MYOM1: variants seen among roughly 807,000 people sequenced by gnomAD.
The protein encoded by MYOM1 is myomesin 1.
In MYOM1, 164 loss-of-function variants were observed where a neutral mutation model predicts 205.3. The ratio of observed to expected loss-of-function variants is 0.80; its 90% CI spans 0.70 to 0.91. The LOEUF (loss-of-function observed/expected upper bound fraction) is 0.91. Among genes scored for constraint, MYOM1 ranks in the 40% least tolerant of loss-of-function variants. The probability of loss-of-function intolerance (pLI) is 0.00; values close to 1 mark genes in which losing one functional copy is unlikely to be tolerated. For missense variants in MYOM1, 2,011 were observed against 2,127.3 expected (o/e 0.95, Z 1.08); for synonymous variants, 772 against 789.4 (o/e 0.98, Z 0.37).
chr18:3,077,262 C>G (rs922352626), intron 34 of MYOM1, among the ~76,000 whole-genome samples: 6 of 151,948 alleles, frequency 3.9e-5, no homozygotes, highest in African/African-American at 1.5e-4. Context: ...CAATCGATCC[C>G]CCTGCCTCAG....
the MYOM1 span, among the ~76,000 whole-genome samples, chr18:3,225,888 G>A: frequency 1.3e-5 from 2 of 152,172 alleles, no homozygotes; most frequent in African/African-American, 4.8e-5. Flanking sequence ...TTGCTTTCCT[G>A]TGGTCTGTCA....
rs763218658 is a variant in MYOM1, at chr18:3,187,857, C to CTT, written c.772-222_772-221dup. ...TAAGCAACATCTTTGATTTCTTTTT[C>CTT]TTTTTTTTTTTTTTTTTTTTGGCCC... On this transcript the variant is annotated intron_variant, in intron 4 of 37. Transcript: ENST00000356443. 8.8e-4 allele frequency among the ~76,000 whole-genome samples: 109 copies of CTT among 124,206 alleles called. No homozygotes were observed. In the South Asian group the frequency reaches 0.018, roughly 21 times the overall value. The allele number at this position is 124,206 out of a possible 152,430, so 81.5% of individuals were successfully genotyped here. A position where few individuals can be genotyped will look rare whatever the true frequency, so the allele number is the denominator to read the frequency against.
rs1054825292 is a variant in MYOM1, at chr18:3,083,287, G to C, written c.4484+502C>G. ...AGAATGCCTTGGATGTTTATCTCCT[G>C]GGCTCACCAATGTCAGACTTGAGAA... On this transcript the variant is annotated intron_variant, in intron 33 of 37. Coordinates refer to ENST00000356443, the MANE Select transcript of MYOM1 (RefSeq NM_003803.4). 1.8e-4 allele frequency among the ~76,000 whole-genome samples: 27 copies of C among 152,150 alleles called. No individual in the cohort carries two copies. The East Asian group carries it at 4.4e-3, about 25-fold the overall frequency.
chr18:3,183,955 G>C (rs1271582531), intron 5 of MYOM1, among the ~76,000 whole-genome samples: 3 of 151,552 alleles, frequency 2.0e-5, no homozygotes, highest in African/African-American at 7.3e-5. Context: ...GCTCAGGCTG[G>C]AGTGCAGTAG....
intron 19 of MYOM1, among the ~76,000 whole-genome samples, chr18:3,126,264 CAAAAA>C (rs575517054): frequency 1.5e-5 from 1 of 65,086 alleles, no homozygotes; most frequent in Admixed American, 1.7e-4. Context: ...GACTTCATCT[CAAAAA>C]AAAAAAAAAA....
intron 18 of MYOM1, among the ~76,000 whole-genome samples, chr18:3,127,299 A>ATT (rs1567920743): frequency 1.5e-3 from 73 of 49,864 alleles, no homozygotes; most frequent in African/African-American, 6.6e-3. Flanking sequence ...ATATATATAT[A>ATT]TATATATTTT....
At chr18:3,178,799 A>T (rs1657383290) in intron 5 of MYOM1, among the ~76,000 whole-genome samples, 1 of 152,016 alleles carries the variant, frequency 6.6e-6, no homozygotes, top group Admixed American at 6.6e-5. Flanking sequence ...ATTTATCAAA[A>T]TTATGGTTGG....
At chr18:3,235,881 G>C in the MYOM1 span, among the ~76,000 whole-genome samples, 3 of 152,252 alleles carry the variant, frequency 2.0e-5, no homozygotes, top group Non-Finnish European at 4.4e-5. Flanking sequence ...ATGCGAAAGA[G>C]TTGAGGGCAT....
At chr18:3,233,396 T>C in the MYOM1 span, among the ~76,000 whole-genome samples, 3 of 152,340 alleles carry the variant, frequency 2.0e-5, no homozygotes, top group Admixed American at 6.5e-5. Flanking sequence ...CTGCAAGGTA[T>C]TGAGAGTACA....
At position 3,122,184 on chromosome 18, in the gene MYOM1, T is replaced by G. The variant is rs200080033; in HGVS notation, c.2992-2189A>C. ...AAAGTACAAAATAAGATATTAGTTT[T>G]TTTTTTTTTTTAAGTAATCAGTAAT... On this transcript the variant is annotated intron_variant, in intron 19 of 37. Transcript: ENST00000356443. 2.1e-3 allele frequency among the ~76,000 whole-genome samples: 287 copies of G among 136,876 alleles called. 1 individual carries two copies. The highest frequency in any genetic ancestry group is 6.9e-3 in the African/African-American group (261 of 37,672). The allele number at this position is 136,876 out of a possible 152,430, so 89.8% of individuals were successfully genotyped here.
At chr18:3,229,892 G>C in the MYOM1 span, among the ~76,000 whole-genome samples, 6 of 140,252 alleles carry the variant, frequency 4.3e-5, no homozygotes, top group Non-Finnish European at 6.1e-5. Flanking sequence ...TGGAGAATCA[G>C]TTGAACCCAG....
rs2080258087 is a variant in MYOM1, at chr18:3,154,095, A to G, written c.1643+852T>C. Among the ~76,000 whole-genome samples, 5 of 152,146 alleles carry G rather than the reference A, an allele frequency of 3.3e-5. No individual in the cohort carries two copies. In the South Asian group the frequency reaches 1.0e-3, roughly 32 times the overall value. On this transcript the variant is annotated intron_variant, in intron 11 of 37. Coordinates refer to ENST00000356443, the MANE Select transcript of MYOM1 (RefSeq NM_003803.4). ...TGAAAACACATCCTGAGGTAGAAAT[A>G]AGACTTTGGTAGTATTACCAAAGTA...
chr18:3,223,107 C>T (rs866431542), upstream of MYOM1, among the ~76,000 whole-genome samples: 11 of 152,160 alleles, frequency 7.2e-5, no homozygotes, highest in Middle Eastern at 3.2e-3. Context: ...TCTCGAACTC[C>T]TGAGTTCAAG....
intron 5 of MYOM1, among the ~76,000 whole-genome samples, chr18:3,185,961 C>T (rs763806743): frequency 1.3e-5 from 2 of 152,132 alleles, no homozygotes; most frequent in East Asian, 1.9e-4. Flanking sequence ...TTTGGGAGGC[C>T]GAGGTGGGCA....
chr18:3,239,572 G>A, the MYOM1 span, among the ~76,000 whole-genome samples: 4 of 151,852 alleles, frequency 2.6e-5, no homozygotes, highest in South Asian at 2.1e-4. Flanking sequence ...CCTGAGCAAC[G>A]TGGAGAAATC....
At chr18:3,193,332 A>G (rs945987795) in intron 3 of MYOM1, among the ~76,000 whole-genome samples, 3 of 144,246 alleles carry the variant, frequency 2.1e-5, no homozygotes, top group Non-Finnish European at 4.5e-5. Context: ...ACATATACAT[A>G]TATATGTACA....
At chr18:3,164,555 G>T in intron 9 of MYOM1, 116 bp from the exon 10 acceptor site, 1 of 1,013,558 alleles carries the variant, frequency 9.9e-7, no homozygotes, top group Non-Finnish European at 1.4e-6. Flanking sequence ...TTAACTACTA[G>T]AGGAAGTCTC....
At chr18:3,075,630 A>T in intron 35 of MYOM1, 95 bp downstream of exon 35, 1 of 1,458,338 alleles carries the variant, frequency 6.9e-7, no homozygotes, top group South Asian at 1.1e-5. Flanking sequence ...TTCTGAAATA[A>T]AAGGCTCTTT....
chr18:3,225,222 C>T, the MYOM1 span, among the ~76,000 whole-genome samples: 1 of 151,816 alleles, frequency 6.6e-6, no homozygotes, highest in Admixed American at 6.6e-5. Context: ...CTCCTGACCT[C>T]GTGATCTGCC....
Sources: gnomAD v4.1 joint callset for allele counts (sites outside exome capture counted in the v4.1 genomes callset) on GRCh38, gnomAD v4.1.1 for gene constraint, MANE v1.5 for transcripts, NCBI Gene and HGNC (gene_info 2026-07-23, HGNC 2026-07-21) for gene names.